MEI1: variants seen among roughly 807,000 people sequenced by gnomAD.
MEI1 encodes meiosis inhibitor protein 1.
Under a neutral mutation model 146.2 loss-of-function variants are expected in MEI1, and 103 were observed. The ratio of observed to expected loss-of-function variants is 0.70; its 90% CI spans 0.60 to 0.83. The LOEUF is 0.83. MEI1 is among the 40% of genes least tolerant of loss of function. The pLI is 0.00. For missense variants in MEI1, 1,529 were observed against 1,533.0 expected, an observed-to-expected ratio of 1.00 and a Z score of 0.04; for synonymous variants, 652 against 628.2, an observed-to-expected ratio of 1.04 and a Z score of -0.57.
intron 17 of MEI1, among the ~76,000 whole-genome samples, chr22:41,754,789 A>G (rs2073988001): frequency 1.3e-5 from 2 of 152,232 alleles, no homozygotes; most frequent in Non-Finnish European, 2.9e-5. Context: ...CTGGTGAAAG[A>G]GCCAGGGATA....
chr22:41,736,174 A>G (rs1172994248), intron 11 of MEI1, among the ~76,000 whole-genome samples: 1 of 151,566 alleles, frequency 6.6e-6, no homozygotes, highest in Non-Finnish European at 1.5e-5. Flanking sequence ...CTGTGACTAC[A>G]TTGTCTTCTC....
intron 7 of MEI1, among the ~76,000 whole-genome samples, 188 bp from the exon 8 acceptor site, chr22:41,729,477 G>A (rs2071667395): frequency 6.6e-6 from 1 of 152,180 alleles, no homozygotes; most frequent in African/African-American, 2.4e-5. Flanking sequence ...TTTCTCACCT[G>A]CTGCTGTTCA....
rs2073250512 is a variant in MEI1 at position 41,745,949 on chromosome 22, A to G, written c.1603A>G (p.Lys535Glu). The G allele has an allele frequency of 6.2e-7, 1 of 1,613,628 alleles. No individual in the cohort carries two copies. Among genetic ancestry groups the G allele is most frequent in the Non-Finnish European group, 8.5e-7 (1 of 1,179,636 alleles). The change falls in exon 14 of 31, where the codon AAG becomes GAG. Residue 535 changes from lysine (K) to glutamate (E), a missense_variant. Around this residue, in one of 3 missense-constraint regions of MEI1, gnomAD observed 1,212 missense variants for 1,178.9 expected, o/e 1.03. Transcript: ENST00000401548. ...GAATCCATTCACAGCTCCCAGCGCC[A>G]AGAAGGAAGACACCTTGGAGGCCTT... Reference protein sequence around the residue: ...QENPFTAPSAKKEDTLEAFSE... With the variant: ...QENPFTAPSAEKEDTLEAFSE...
At position 41,784,731 on chromosome 22, in the gene MEI1, G is replaced by T. The variant is rs754719536; in HGVS notation, c.3293G>T (p.Arg1098Leu). The T allele has an allele frequency of 1.2e-6, 2 of 1,613,066 alleles. No homozygotes were observed. The highest frequency in any genetic ancestry group is 8.5e-7 in the Non-Finnish European group (1 of 1,179,552). ...AAGGACACTGTCCTAGCTCCACTGC[G>T]AATGTCGCAAGTCCGGTCCCTGGTC... The part of the protein sequence containing the change: ...ATKDTVLAPL[R>L]MSQVRSLVIG... Residue 1098 changes from arginine to leucine, a missense_variant, in exon 26 of 31, where the codon CGA becomes CTA. Arg to Leu is a moderately radical substitution (Grantham distance 102). Around this residue, in one of 3 missense-constraint regions of MEI1, gnomAD observed 313 missense variants for 337.3 expected, o/e 0.93. Coordinates refer to ENST00000401548, the MANE Select transcript of MEI1 (RefSeq NM_152513.4).
intron 7 of MEI1, among the ~76,000 whole-genome samples, chr22:41,728,961 C>T (rs891917507): frequency 2.2e-4 from 34 of 151,446 alleles, no homozygotes; most frequent in African/African-American, 7.5e-4. Context: ...GTCAGGAGTT[C>T]GAGACCAGCC....
intron 3 of MEI1, among the ~76,000 whole-genome samples, chr22:41,707,025 T>G: frequency 1.7e-5 from 1 of 60,372 alleles, no homozygotes; most frequent in African/African-American, 5.5e-5. Context: ...ACCCCATCTC[T>G]ACCAAAAAAA....
At chr22:41,735,843 G>A (rs937979001) in intron 11 of MEI1, among the ~76,000 whole-genome samples, 1 of 152,098 alleles carries the variant, frequency 6.6e-6, no homozygotes, top group Admixed American at 6.6e-5. Flanking sequence ...CTCTTTGAAT[G>A]CTCTCAGCCA....
chr22:41,763,047 A>G, intron 18 of MEI1, 127 bp from the exon 19 acceptor site: 2 of 915,654 alleles, frequency 2.2e-6, no homozygotes, highest in South Asian at 1.7e-5. Flanking sequence ...TTTGTCTAAG[A>G]TGTCATTAGG....
Position 41,799,425 on chromosome 22 carries a change from A to C in MEI1, c.*126A>C. On this transcript the variant is annotated 3_prime_UTR_variant, in exon 31 of 31. Transcript: ENST00000401548. Reference sequence around the variant, plus strand: ...GAGCCATATACTCTATTGTTGAAATAGAATAAGGAAATAAAATGATACACT... The same window carrying C: ...GAGCCATATACTCTATTGTTGAAATCGAATAAGGAAATAAAATGATACACT... 1 of 876,058 alleles carries C rather than the reference A, an allele frequency of 1.1e-6. No homozygotes were observed. Among genetic ancestry groups the C allele is most frequent in the Non-Finnish European group, 1.8e-6 (1 of 556,772 alleles). The allele number at this position is 876,058 out of a possible 1,614,324, so 54.3% of individuals were successfully genotyped here.
chr22:41,727,344 G>T (rs754061657), intron 7 of MEI1, among the ~76,000 whole-genome samples: 1 of 152,106 alleles, frequency 6.6e-6, no homozygotes, highest in Non-Finnish European at 1.5e-5. Context: ...TGCAGTTAAC[G>T]CTTTTCTTGA....
At chr22:41,736,815 T>A (rs1219906983) in intron 11 of MEI1, among the ~76,000 whole-genome samples, 1 of 152,156 alleles carries the variant, frequency 6.6e-6, no homozygotes, top group Admixed American at 6.6e-5. Context: ...CATAGGTTCC[T>A]GGGATTAGGA....
chr22:41,777,561 C>A (rs1216855933), intron 21 of MEI1, among the ~76,000 whole-genome samples: 2 of 152,142 alleles, frequency 1.3e-5, no homozygotes, highest in Non-Finnish European at 2.9e-5. Flanking sequence ...TGAGTTATTT[C>A]TTTTCAGGGA....
At chr22:41,731,357 T>G (rs1279366716) in intron 9 of MEI1, among the ~76,000 whole-genome samples, 1 of 151,484 alleles carries the variant, frequency 6.6e-6, no homozygotes, top group Non-Finnish European at 1.5e-5. Context: ...AGGCGACTTT[T>G]TCTTTTTTTG....
In MEI1 at chr22:41,699,588, A is replaced by C. The variant is rs540474366; in HGVS notation, c.50A>C (p.Glu17Ala). ...ATAGTPGPRR[E>A]EEAALLFERA... ...GCGGGCACTCCCGGGCCCAGGAGAG[A>C]GGAAGAGGCGGCGCTTCTATTCGAG... is the stretch of plus-strand genomic sequence containing the variant. The change falls in exon 1 of 31, where the codon GAG (glutamate) becomes GCG (alanine). Residue 17 changes from glutamate to alanine, a missense_variant. Coordinates refer to ENST00000401548, the MANE Select transcript of MEI1 (RefSeq NM_152513.4). 1 of 1,612,804 alleles carries C rather than the reference A, an allele frequency of 6.2e-7. No homozygotes were observed. The highest frequency in any genetic ancestry group is 2.2e-5 in the East Asian group (1 of 44,876).
chr22:41,770,540 C>A, intron 19 of MEI1, 146 bp from the exon 20 acceptor site: 1 of 698,504 alleles, frequency 1.4e-6, no homozygotes. Context: ...GGTATTTTCT[C>A]ACTAAAGTGC....
Position 41,788,216 on chromosome 22 carries a change from A to G in MEI1, c.3345+3433A>G, listed in dbSNP as rs534421926. On this transcript the variant is annotated intron_variant, in intron 26 of 30. Coordinates refer to ENST00000401548, the MANE Select transcript of MEI1 (RefSeq NM_152513.4). ...GGCTAATTTTGTATTTTTAGTAGACATGAGGTTTCACCATGTTGGCCAGGC... is the reference window on the plus strand; with the variant it reads ...GGCTAATTTTGTATTTTTAGTAGACGTGAGGTTTCACCATGTTGGCCAGGC... Among the ~76,000 whole-genome samples the G allele has an allele frequency of 4.2e-4, 64 of 152,182 alleles. 2 individuals carry two copies. The South Asian group carries it at 0.012, about 30-fold the overall frequency.
At chr22:41,731,995 T>C (rs2064189) in intron 9 of MEI1, among the ~76,000 whole-genome samples, 97,049 of 151,862 alleles carry the variant, frequency 0.64, 34,152 homozygotes, top group East Asian at 0.92. Flanking sequence ...GGTCAGTAGG[T>C]GTTCACTGAA....
chr22:41,731,536 T>C lies in MEI1; in HGVS notation c.1097-709T>C, dbSNP rs376533644. Among the ~76,000 whole-genome samples the C allele has an allele frequency of 1.4e-3, 213 of 152,124 alleles. 2 individuals are homozygous for C. The highest frequency in any genetic ancestry group is 4.9e-3 in the African/African-American group (203 of 41,496). On this transcript the variant is annotated intron_variant, in intron 9 of 30. Transcript: ENST00000401548. Reference sequence around the variant, plus strand: ...CACCTGGCTAATTTTTTTGTATTTTTAGTAGAGACGGGGGTCTCTCCATGT... The same window carrying C: ...CACCTGGCTAATTTTTTTGTATTTTCAGTAGAGACGGGGGTCTCTCCATGT...
At chr22:41,753,054 T>G (rs1312520173) in intron 16 of MEI1, among the ~76,000 whole-genome samples, 1 of 151,814 alleles carries the variant, frequency 6.6e-6, no homozygotes, top group African/African-American at 2.4e-5. Flanking sequence ...AGTCTTGCTC[T>G]GTCACCCAGG....
Sources: gnomAD v4.1 joint callset for allele counts (sites outside exome capture counted in the v4.1 genomes callset) on GRCh38, gnomAD v4.1.1 for gene constraint, gnomAD v4.1.1 regional missense constraint, MANE v1.5 for transcripts, NCBI Gene and HGNC (gene_info 2026-07-23, HGNC 2026-07-21) for gene names.